DYM: variants seen among roughly 807,000 people sequenced by gnomAD.
The protein encoded by DYM is dyggve-Melchior-Clausen syndrome protein.
A neutral mutation model predicts 93.1 loss-of-function variants in DYM; 78 were observed. The ratio of observed to expected loss-of-function variants is 0.84; its 90% CI spans 0.70 to 1.01. The LOEUF is 1.01. DYM is among the 50% of genes least tolerant of loss of function. The pLI, the probability that DYM is intolerant of heterozygous loss-of-function variation, is 0.00. For missense variants in DYM, 789 were observed against 845.0 expected (o/e 0.93, Z 0.82); for synonymous variants, 321 against 319.7 (o/e 1.00, Z -0.04).
chr18:49,095,812 C>T (rs919495220), intron 17 of DYM, among the ~76,000 whole-genome samples: 1 of 152,168 alleles, frequency 6.6e-6, no homozygotes, highest in Non-Finnish European at 1.5e-5. Flanking sequence ...TTAGCCTGCA[C>T]ACTGTAATTC....
intron 15 of DYM, among the ~76,000 whole-genome samples, chr18:49,153,316 G>T (rs1473625071): frequency 6.6e-6 from 1 of 151,990 alleles, no homozygotes; most frequent in Non-Finnish European, 1.5e-5. Context: ...AATCAATGTG[G>T]GGCTTGGAAT....
At chr18:49,350,726 G>GAAAAAAAAAAAAAAAAAAAA (rs72289769) in intron 6 of DYM, among the ~76,000 whole-genome samples, 4 of 119,930 alleles carry the variant, frequency 3.3e-5, no homozygotes, top group African/African-American at 6.0e-5. Context: ...GAAAAAAAAA[G>GAAAAAAAAAAAAAAAAAAAA]AAAAAAAAAA....
In DYM at chr18:49,310,136, C is replaced by T. The variant is rs1260443632; in HGVS notation, c.763+21728G>A. Among the ~76,000 whole-genome samples the T allele has an allele frequency of 3.9e-5, 6 of 152,212 alleles. No individual in the cohort carries two copies. In the South Asian group the frequency reaches 6.2e-4, roughly 16 times the overall value. On this transcript the variant is annotated intron_variant, in intron 8 of 17. Transcript: ENST00000675505. ...GAATAGGAAGTGCTTTGGGTAGACA[C>T]GTCAAGTGATTAAAAAGAAAATCTA...
At chr18:49,163,630 T>C (rs2087470122) in intron 15 of DYM, 55 bp downstream of exon 15, 13 of 1,176,794 alleles carry the variant, frequency 1.1e-5, no homozygotes, top group Non-Finnish European at 1.6e-5. Flanking sequence ...AGGCAGGAGT[T>C]ACTGTGCCTG....
chr18:49,210,893 C>G lies in DYM; in HGVS notation c.1461-1178G>C, dbSNP rs186870969. Among the ~76,000 whole-genome samples, 14 of 152,246 alleles carry G rather than the reference C, an allele frequency of 9.2e-5. No homozygotes were observed. The East Asian group carries it at 2.7e-3, about 29-fold the overall frequency. On this transcript the variant is annotated intron_variant, in intron 13 of 17. Coordinates refer to ENST00000675505, the MANE Select transcript of DYM (RefSeq NM_001353214.3). ...AAGGCATACTCACTGGGAGAAAAGT[C>G]TCAAAATATGAGGCTGTCATTAGTG...
At chr18:49,213,506 G>A (rs1166892001) in intron 13 of DYM, among the ~76,000 whole-genome samples, 1 of 152,056 alleles carries the variant, frequency 6.6e-6, no homozygotes, top group Admixed American at 6.5e-5. Context: ...AGTAGAGATG[G>A]GGTTTCCCCA....
At chr18:49,241,152 G>A (rs1002584635) in intron 13 of DYM, among the ~76,000 whole-genome samples, 6 of 152,144 alleles carry the variant, frequency 3.9e-5, no homozygotes, top group Non-Finnish European at 7.4e-5. Context: ...AACACACTTC[G>A]AGAATCAATG....
rs2082125063 is a variant in DYM at position 49,118,704 on chromosome 18, T to G, written c.1911+40A>C. The G allele has an allele frequency of 1.9e-6, 3 of 1,576,026 alleles. No individual in the cohort carries two copies. The East Asian group carries it at 6.7e-5, about 35-fold the overall frequency. Reference sequence around the variant, plus strand: ...TATTAAACATTCTCTGCTTTAATACTTAAAAAAGAATCATAATAAATGTCT... The same window carrying G: ...TATTAAACATTCTCTGCTTTAATACGTAAAAAAGAATCATAATAAATGTCT... On this transcript the variant is annotated intron_variant, in intron 16 of 17. Coordinates refer to ENST00000675505, the MANE Select transcript of DYM (RefSeq NM_001353214.3).
chr18:49,256,513 T>G (rs1307852839), intron 13 of DYM, among the ~76,000 whole-genome samples: 1 of 152,200 alleles, frequency 6.6e-6, no homozygotes, highest in Non-Finnish European at 1.5e-5. Flanking sequence ...AATTTTAGCC[T>G]AGTGAGACCC....
intron 15 of DYM, among the ~76,000 whole-genome samples, chr18:49,132,262 C>T (rs1013747545): frequency 6.6e-6 from 1 of 152,060 alleles, no homozygotes; most frequent in East Asian, 1.9e-4. Flanking sequence ...ATGACAAAAT[C>T]TAATTGCAGA....
chr18:49,213,504 T>C (rs2092888730), intron 13 of DYM, among the ~76,000 whole-genome samples: 1 of 152,144 alleles, frequency 6.6e-6, no homozygotes, highest in Admixed American at 6.5e-5. Context: ...TTAGTAGAGA[T>C]GGGGTTTCCC....
intron 1 of DYM, among the ~76,000 whole-genome samples, chr18:49,459,875 GAGA>G (rs2083333826): frequency 6.6e-6 from 1 of 151,040 alleles, no homozygotes; most frequent in African/African-American, 2.4e-5. Context: ...GTGTAGGGGA[GAGA>G]AGGAGGAGTG....
intron 3 of DYM, among the ~76,000 whole-genome samples, chr18:49,383,255 T>C (rs2068229215): frequency 6.6e-6 from 1 of 152,206 alleles, no homozygotes; most frequent in Admixed American, 6.5e-5. Flanking sequence ...TTTTGTGATA[T>C]TAAAAGTTGT....
At chr18:49,237,854 G>A (rs1273667474) in intron 13 of DYM, among the ~76,000 whole-genome samples, 1 of 150,062 alleles carries the variant, frequency 6.7e-6, no homozygotes, top group African/African-American at 2.5e-5. Context: ...TTCATATCTT[G>A]TATTTTTCAC....
chr18:49,370,918 C>T (rs982382724), intron 5 of DYM, among the ~76,000 whole-genome samples: 11 of 152,158 alleles, frequency 7.2e-5, no homozygotes, highest in African/African-American at 2.7e-4. Context: ...TCTAAGGACT[C>T]CAACCCTATA....
chr18:49,169,524 G>A (rs972696293), intron 14 of DYM, among the ~76,000 whole-genome samples: 24 of 152,168 alleles, frequency 1.6e-4, no homozygotes, highest in African/African-American at 5.8e-4. Flanking sequence ...AAAGCCAGAC[G>A]TGTTCTATGA....
intron 13 of DYM, among the ~76,000 whole-genome samples, chr18:49,222,240 G>C (rs1346367804): frequency 6.6e-6 from 1 of 151,980 alleles, no homozygotes; most frequent in Non-Finnish European, 1.5e-5. Context: ...CAGAATTTCT[G>C]TTAAATAATC....
intron 14 of DYM, among the ~76,000 whole-genome samples, chr18:49,178,902 TAACCC>T: frequency 6.6e-6 from 1 of 152,142 alleles, no homozygotes; most frequent in South Asian, 2.1e-4. Context: ...TTTAACCATG[TAACCC>T]CCCCACCACG....
chr18:49,210,333 T>C (rs1038770548), intron 13 of DYM, among the ~76,000 whole-genome samples: 8 of 152,128 alleles, frequency 5.3e-5, no homozygotes, highest in African/African-American at 1.9e-4. Flanking sequence ...GATGAATAAA[T>C]AAATAAACGG....
Sources: gnomAD v4.1 joint callset for allele counts (sites outside exome capture counted in the v4.1 genomes callset) on GRCh38, gnomAD v4.1.1 for gene constraint, MANE v1.5 for transcripts, NCBI Gene and HGNC (gene_info 2026-07-23, HGNC 2026-07-21) for gene names.